Variants in NDST4 observed in about 807,000 individuals in gnomAD.
NDST4 encodes N-deacetylase and N-sulfotransferase 4, also known as N-heparan sulfate sulfotransferase 4.
NDST4 carries 63 observed loss-of-function variants against 100.8 expected under a neutral mutation model. That is an observed-to-expected ratio of 0.62 (90% confidence interval 0.51 to 0.77). The LOEUF (loss-of-function observed/expected upper bound fraction) is 0.77, where lower values mean the gene tolerates loss of function less well. Ranked by LOEUF, NDST4 falls within the 30% of genes least tolerant of loss-of-function variation. NDST4 has a pLI of 0.00. For missense variants in NDST4, 943 were observed against 1,018.4 expected (o/e 0.93, Z 1.01); for synonymous variants, 377 against 361.8 (o/e 1.04, Z -0.48).
At chr4:115,103,388 A>G (rs964638440) in intron 1 of NDST4, among the ~76,000 whole-genome samples, 1 of 152,156 alleles carries the variant, frequency 6.6e-6, no homozygotes, top group Non-Finnish European at 1.5e-5. Flanking sequence ...AATTAATTAT[A>G]AATCTCTTCT....
rs1331779850 is a variant in NDST4 at position 114,839,518 on chromosome 4, G to A, written c.2146C>T (p.Leu716=). 2 of 1,613,676 alleles carry A rather than the reference G, an allele frequency of 1.2e-6. No individual in the cohort carries two copies. Among genetic ancestry groups the A allele is most frequent in the South Asian group, 1.1e-5 (1 of 91,036 alleles). Residue 716 remains leucine, a synonymous_variant, in exon 11 of 14, where the codon CTG becomes TTG. Transcript: ENST00000264363. ...HQRSHEDPAA[L]RFNFYEVIST... The stretch of plus-strand genomic sequence containing the variant: ...ATAACTTCATAGAAATTGAACCTCA[G>A]AGCAGCTGGATCTTCATGTGATCGT...
chr4:115,106,869 C>T (rs1729843713), intron 1 of NDST4, among the ~76,000 whole-genome samples: 1 of 152,082 alleles, frequency 6.6e-6, no homozygotes. Context: ...TTAGTAATAG[C>T]ACTGAGACCA....
chr4:114,921,686 G>A (rs901691968), intron 6 of NDST4, among the ~76,000 whole-genome samples: 1 of 152,050 alleles, frequency 6.6e-6, no homozygotes, highest in African/African-American at 2.4e-5. Flanking sequence ...GAACTTAGAT[G>A]ACTTATTCTT....
At chr4:115,040,104 C>T (rs537960441) in intron 2 of NDST4, among the ~76,000 whole-genome samples, 5 of 150,984 alleles carry the variant, frequency 3.3e-5, no homozygotes, top group African/African-American at 7.3e-5. Flanking sequence ...TCAAATAAAA[C>T]GGAGGACATA....
chr4:115,083,803 T>C (rs1033466514), intron 1 of NDST4, among the ~76,000 whole-genome samples: 1 of 152,136 alleles, frequency 6.6e-6, no homozygotes, highest in Non-Finnish European at 1.5e-5. Context: ...AGAGGTACCT[T>C]CTGCCATGAT....
intron 6 of NDST4, among the ~76,000 whole-genome samples, chr4:114,895,794 C>A (rs2126207883): frequency 6.6e-6 from 1 of 152,078 alleles, no homozygotes. Context: ...ACATTGTGCA[C>A]ATGTACCCTA....
chr4:115,102,043 C>T (rs1008222064), intron 1 of NDST4, among the ~76,000 whole-genome samples: 6 of 152,130 alleles, frequency 3.9e-5, no homozygotes, highest in Non-Finnish European at 7.4e-5. Context: ...CTTAATATTA[C>T]AATGGAGTAT....
At chr4:114,993,121 T>G (rs1727076780) in intron 2 of NDST4, among the ~76,000 whole-genome samples, 1 of 151,920 alleles carries the variant, frequency 6.6e-6, no homozygotes, top group Non-Finnish European at 1.5e-5. Flanking sequence ...ATGACACTCA[T>G]ATTGCAAAGG....
At chr4:115,015,577 T>A (rs2126262602) in intron 2 of NDST4, among the ~76,000 whole-genome samples, 1 of 152,174 alleles carries the variant, frequency 6.6e-6, no homozygotes, top group South Asian at 2.1e-4. Flanking sequence ...CGTGCATAAT[T>A]CTGTCTTAAA....
intron 4 of NDST4, among the ~76,000 whole-genome samples, chr4:114,963,951 A>C (rs1381106405): frequency 6.6e-6 from 1 of 151,954 alleles, no homozygotes; most frequent in Non-Finnish European, 1.5e-5. Context: ...TATTCCCTTT[A>C]TTGTTTATGT....
intron 12 of NDST4, among the ~76,000 whole-genome samples, chr4:114,830,857 C>T (rs1454045176): frequency 6.6e-6 from 1 of 152,138 alleles, no homozygotes; most frequent in Admixed American, 6.5e-5. Flanking sequence ...TACTGGTGCA[C>T]CTGCAATTTG....
At chr4:114,845,510 C>G (rs868459636) in intron 10 of NDST4, among the ~76,000 whole-genome samples, 3 of 152,138 alleles carry the variant, frequency 2.0e-5, no homozygotes, top group African/African-American at 4.8e-5. Context: ...TATTGTCACT[C>G]TAGAAACTGA....
chr4:114,886,274 C>T lies in NDST4; in HGVS notation c.1537-15324G>A, dbSNP rs115625024. On this transcript the variant is annotated intron_variant, in intron 6 of 13. Coordinates refer to ENST00000264363, the MANE Select transcript of NDST4 (RefSeq NM_022569.3). ...ATGGTTAGCTGCAGGGCATCACTGT[C>T]TTACGTGGTAGAAAAAGTCAAGAAG... Among the ~76,000 whole-genome samples, 425 of 152,196 alleles carry T rather than the reference C, an allele frequency of 2.8e-3. 1 individual carries two copies. The highest frequency in any genetic ancestry group is 9.9e-3 in the African/African-American group (413 of 41,562).
chr4:114,958,519 G>A (rs370581873), intron 4 of NDST4, among the ~76,000 whole-genome samples: 7 of 152,116 alleles, frequency 4.6e-5, no homozygotes, highest in Non-Finnish European at 8.8e-5. Context: ...CAAAGGCTTC[G>A]GGCTTTCGTC....
chr4:114,914,771 G>A lies in NDST4; in HGVS notation c.1536+20435C>T, dbSNP rs988503728. On this transcript the variant is annotated intron_variant, in intron 6 of 13. Coordinates refer to ENST00000264363, the MANE Select transcript of NDST4 (RefSeq NM_022569.3). ...CTGAGGTAGAAGGAAATGGAGATGC[G>A]AAGTACCTGAATTTCCAGTCCATGC... Among the ~76,000 whole-genome samples, 12 of 152,102 alleles carry A rather than the reference G, an allele frequency of 7.9e-5. No individual in the cohort carries two copies. In the South Asian group the frequency reaches 1.4e-3, roughly 18 times the overall value.
At chr4:114,937,113 TGCCAAA>T (rs1376524073) in intron 5 of NDST4, among the ~76,000 whole-genome samples, 199 bp downstream of exon 5, 8 of 152,282 alleles carry the variant, frequency 5.3e-5, no homozygotes, top group African/African-American at 1.9e-4. Flanking sequence ...GTTTTAGATT[TGCCAAA>T]GCCACTCCAC....
chr4:115,042,408 C>T (rs1014682944), intron 2 of NDST4, among the ~76,000 whole-genome samples: 3 of 152,062 alleles, frequency 2.0e-5, no homozygotes, highest in South Asian at 2.1e-4. Context: ...ATGTTATTCA[C>T]CTCGCTTTGC....
At chr4:114,933,328 T>C (rs1002130134) in intron 6 of NDST4, among the ~76,000 whole-genome samples, 1 of 151,444 alleles carries the variant, frequency 6.6e-6, no homozygotes, top group African/African-American at 2.4e-5. Context: ...CAACTCAAAA[T>C]GGACTAAAGG....
chr4:114,852,862 T>C, intron 7 of NDST4, 41 bp from the exon 8 acceptor site: 1 of 1,350,070 alleles, frequency 7.4e-7, no homozygotes, highest in Admixed American at 1.9e-5. Flanking sequence ...GTGTAATGAC[T>C]GTCTGGCTCT....
Sources: allele counts gnomAD v4.1 joint callset (sites outside exome capture counted in the v4.1 genomes callset), GRCh38; gene constraint gnomAD v4.1.1; transcripts MANE v1.5; gene names NCBI Gene and HGNC (gene_info 2026-07-23, HGNC 2026-07-21).